The following CUX1 variants were observed in gnomAD, a reference collection of about 807,000 sequenced individuals.
CUX1 encodes cut like homeobox 1.
Under a neutral mutation model 158.8 loss-of-function variants are expected in CUX1, and 31 were observed. The ratio of observed to expected loss-of-function variants is 0.20; its 90% confidence interval spans 0.15 to 0.26. The LOEUF (loss-of-function observed/expected upper bound fraction) is 0.26. Among genes scored for constraint, CUX1 ranks in the 10% least tolerant of loss-of-function variants. The probability of loss-of-function intolerance (pLI) is 1.00; values close to 1 mark genes in which losing one functional copy is unlikely to be tolerated. For missense variants in CUX1, 1,589 were observed against 2,014.6 expected (o/e 0.79, Z 4.04); for synonymous variants, 879 against 862.1 (o/e 1.02, Z -0.34).
In CUX1 at chr7:102,254,477, A is replaced by T. The variant is rs1789663580; in HGVS notation, c.*5435A>T. 1.0e-6 allele frequency: 1 copy of T among 985,312 alleles called. No individual in the cohort carries two copies. Among genetic ancestry groups the T allele is most frequent in the East Asian group, 1.1e-4 (1 of 8,824 alleles). 61.0% of individuals were successfully genotyped at this position (985,312 alleles called of 1,614,324 possible). The stretch of plus-strand genomic sequence containing the variant: ...CACAGTGGCATCACCCTCTTATCCC[A>T]AAAGAATATGCCAGTTCCCATCCAG... On this transcript the variant is annotated 3_prime_UTR_variant, in exon 24 of 24. Transcript: ENST00000292535.
chr7:102,280,852 C>A, exon 20 of CUX1: 1 of 1,612,416 alleles, frequency 6.2e-7, no homozygotes, highest in South Asian at 1.1e-5. Context: ...CAAGGCCACC[C>A]TCAGCATGGT....
At chr7:101,826,899 G>A (rs577567395) in intron 1 of CUX1, among the ~76,000 whole-genome samples, 3 of 152,260 alleles carry the variant, frequency 2.0e-5, no homozygotes, top group Admixed American at 2.0e-4. Context: ...TCCGATTTAG[G>A]ACTCATTCAG....
At chr7:102,030,691 G>GTTTTTTTTTTTTTGTTTTTTGTTTTTTGT (rs71119801) in intron 3 of CUX1, among the ~76,000 whole-genome samples, 1 of 119,386 alleles carries the variant, frequency 8.4e-6, no homozygotes, top group African/African-American at 3.1e-5. Flanking sequence ...TTTAAAAAGT[G>GTTTTTTTTTTTTTGTTTTTTGTTTTTTGT]TTTTTTTTTT....
intron 11 of CUX1, among the ~76,000 whole-genome samples, chr7:102,179,028 C>T (rs1792723088): frequency 6.6e-6 from 1 of 152,100 alleles, no homozygotes; most frequent in Non-Finnish European, 1.5e-5. Flanking sequence ...CCATGCCCGG[C>T]TTATTTGTTT....
intron 18 of CUX1, among the ~76,000 whole-genome samples, chr7:102,279,686 G>GA (rs1279611127): frequency 5.9e-5 from 9 of 151,626 alleles, no homozygotes; most frequent in African/African-American, 2.2e-4. Context: ...GTGGCCAGCT[G>GA]GGGGGCGTCT....
intron 8 of CUX1, among the ~76,000 whole-genome samples, chr7:102,122,525 C>T (rs1832156278): frequency 6.6e-6 from 1 of 151,944 alleles, no homozygotes; most frequent in African/African-American, 2.4e-5. Context: ...GAAGGATTTT[C>T]CTTGTCTTTT....
At chr7:102,012,533 C>T (rs894700707) in intron 2 of CUX1, among the ~76,000 whole-genome samples, 3 of 152,104 alleles carry the variant, frequency 2.0e-5, no homozygotes, top group Admixed American at 6.6e-5. Flanking sequence ...GTACTTGTCA[C>T]ATGGGGGAAT....
intron 4 of CUX1, among the ~76,000 whole-genome samples, chr7:102,096,082 A>T (rs1301604276): frequency 1.3e-5 from 2 of 152,260 alleles, no homozygotes; most frequent in Non-Finnish European, 2.9e-5. Flanking sequence ...AGTGAATCTG[A>T]TGGCAGATAT....
intron 1 of CUX1, among the ~76,000 whole-genome samples, chr7:101,884,590 C>T (rs796667718): frequency 2.0e-4 from 31 of 152,224 alleles, no homozygotes; most frequent in African/African-American, 6.3e-4. Context: ...GCAGGCTTCT[C>T]TAAGAAAGTG....
At chr7:102,219,166 A>G (rs1265406533) in intron 20 of CUX1, among the ~76,000 whole-genome samples, 2 of 151,452 alleles carry the variant, frequency 1.3e-5, no homozygotes, top group Non-Finnish European at 2.9e-5. Context: ...AGTTCATCTT[A>G]TCCTATTCTT....
At chr7:102,023,451 T>C (rs1819617466) in intron 2 of CUX1, among the ~76,000 whole-genome samples, 2 of 152,142 alleles carry the variant, frequency 1.3e-5, no homozygotes, top group Admixed American at 6.5e-5. Context: ...TAACCGACGA[T>C]GGAGAATTCT....
At chr7:102,016,306 T>C (rs1359638852) in intron 2 of CUX1, among the ~76,000 whole-genome samples, 1 of 152,176 alleles carries the variant, frequency 6.6e-6, no homozygotes, top group Non-Finnish European at 1.5e-5. Context: ...CGGCCACAGA[T>C]AAGTGTCATC....
At chr7:101,960,147 A>G (rs557898844) in intron 2 of CUX1, 1 of 152,256 alleles carries the variant, frequency 6.6e-6, no homozygotes, top group African/African-American at 2.4e-5. Flanking sequence ...TTTCAATTCC[A>G]CCATTCCGAA....
intron 3 of CUX1, among the ~76,000 whole-genome samples, chr7:102,066,192 G>A (rs926078330): frequency 6.6e-6 from 1 of 152,150 alleles, no homozygotes; most frequent in Admixed American, 6.6e-5. Flanking sequence ...GTGGTTTCCT[G>A]GTCATCTTCT....
At chr7:101,976,263 T>G (rs188356522) in intron 2 of CUX1, among the ~76,000 whole-genome samples, 1 of 152,370 alleles carries the variant, frequency 6.6e-6, no homozygotes, top group Admixed American at 6.5e-5. Flanking sequence ...AATTGTAGAT[T>G]TCTAGTGTTT....
intron 1 of CUX1, among the ~76,000 whole-genome samples, chr7:101,877,856 T>G (rs959893044): frequency 6.6e-6 from 1 of 151,814 alleles, no homozygotes; most frequent in African/African-American, 2.4e-5. Context: ...TTTTATATAC[T>G]TGGTTCCATT....
intron 20 of CUX1, among the ~76,000 whole-genome samples, chr7:102,216,548 CCACACACGCACACACA>C (rs1797095546): frequency 1.9e-5 from 2 of 107,756 alleles, no homozygotes; most frequent in Non-Finnish European, 3.8e-5. Flanking sequence ...ACACACACAC[CCACACACGCACACACA>C]CTCCCACACA....
At chr7:102,188,353 G>A (rs144520253) in intron 11 of CUX1, among the ~76,000 whole-genome samples, 23 of 152,278 alleles carry the variant, frequency 1.5e-4, no homozygotes, top group African/African-American at 5.5e-4. Flanking sequence ...CCATATTCTT[G>A]TTTTATGTAG....
chr7:101,896,051 G>T (rs1009457040), intron 1 of CUX1, among the ~76,000 whole-genome samples: 1 of 151,504 alleles, frequency 6.6e-6, no homozygotes. Flanking sequence ...TGCACTTGGC[G>T]TATTTATTTA....
Sources: allele counts gnomAD v4.1 joint callset (sites outside exome capture counted in the v4.1 genomes callset), GRCh38; gene constraint gnomAD v4.1.1; transcripts MANE v1.5; gene names NCBI Gene and HGNC (gene_info 2026-07-23, HGNC 2026-07-21).